Variants in CSF1R observed in about 807,000 individuals in gnomAD.
CSF1R encodes the protein macrophage colony-stimulating factor 1 receptor.
Under a neutral mutation model 110.0 loss-of-function variants are expected in CSF1R, and 40 were observed. The observed-to-expected ratio is 0.36, with a 90% CI of 0.28 to 0.47. The LOEUF is 0.47. Among genes scored for constraint, CSF1R ranks in the 20% least tolerant of loss-of-function variants. The pLI, the probability that CSF1R is intolerant of heterozygous loss-of-function variation, is 0.99. For missense variants in CSF1R, 1,052 were observed against 1,253.0 expected (o/e 0.84, Z 2.42); for synonymous variants, 523 against 503.4 (o/e 1.04, Z -0.52).
chr5:150,054,225 C>G lies in CSF1R; in HGVS notation c.2764-1G>C, dbSNP rs1757077046. 1 of 1,612,262 alleles carries G rather than the reference C, an allele frequency of 6.2e-7. No individual in the cohort carries two copies. The highest frequency in any genetic ancestry group is 8.5e-7 in the Non-Finnish European group (1 of 1,179,224). On this transcript the variant is annotated splice_acceptor_variant, in intron 20 of 20. Coordinates refer to ENST00000675795, the MANE Select transcript of CSF1R (RefSeq NM_001288705.3). LOFTEE classifies it high-confidence loss of function. ...TGCTGCTCGGCAGATTGGTATAGTC[C>G]TGAGGGTGGGAGGGACCAGAAACTG...
chr5:150,054,210 C>T lies in CSF1R; in HGVS notation c.2778G>A (p.Leu926=), dbSNP rs1757075635. The part of the protein sequence containing the change: ...EDRRERDYTN[L]PSSSRSGGSG... ...TGCCACCGCTTCTGCTGCTGCTCGG[C>T]AGATTGGTATAGTCCTGAGGGTGGG... Residue 926 remains leucine, a synonymous_variant, in exon 21 of 21, where the codon CTG becomes CTA. Coordinates refer to ENST00000675795, the MANE Select transcript of CSF1R (RefSeq NM_001288705.3). The T allele has an allele frequency of 6.2e-7, 1 of 1,612,024 alleles. No homozygotes were observed. The highest frequency in any genetic ancestry group is 1.7e-5 in the Admixed American group (1 of 59,772).
intron 10 of CSF1R, among the ~76,000 whole-genome samples, chr5:150,062,229 C>T (rs1022944372): frequency 8.6e-6 from 1 of 115,682 alleles, no homozygotes; most frequent in Non-Finnish European, 1.9e-5. Flanking sequence ...ATCCATCCAC[C>T]CACCCAACCT....
intron 1 of CSF1R, among the ~76,000 whole-genome samples, chr5:150,108,746 G>A (rs1759623002): frequency 6.6e-6 from 1 of 152,210 alleles, no homozygotes; most frequent in Non-Finnish European, 1.5e-5. Flanking sequence ...CTGTGGATCT[G>A]CAAAGGGGAG....
chr5:150,067,384 C>T (rs1227257643), intron 10 of CSF1R, among the ~76,000 whole-genome samples: 1 of 152,218 alleles, frequency 6.6e-6, no homozygotes, highest in African/African-American at 2.4e-5. Flanking sequence ...CTTTGACCAG[C>T]TGTAGACAAG....
At chr5:150,059,594 C>T in intron 14 of CSF1R, 106 bp downstream of exon 14, 1 of 1,375,946 alleles carries the variant, frequency 7.3e-7, no homozygotes, top group Non-Finnish European at 1.0e-6. Flanking sequence ...GTGAGGGCTG[C>T]ATAGCCACCC....
At chr5:150,066,606 CCT>C (rs1158572401) in intron 10 of CSF1R, among the ~76,000 whole-genome samples, 2 of 152,238 alleles carry the variant, frequency 1.3e-5, no homozygotes, top group African/African-American at 4.8e-5. Context: ...CCGGGGCTGC[CCT>C]CAGAGCAGCC....
At chr5:150,065,280 TCTTTGGGGACCC>T (rs1357588120) in intron 10 of CSF1R, among the ~76,000 whole-genome samples, 80 of 152,294 alleles carry the variant, frequency 5.3e-4, no homozygotes, top group African/African-American at 1.8e-3. Flanking sequence ...CCCAGTGGAA[TCTTTGGGGACCC>T]TCCTGTTGCT....
chr5:150,100,997 G>A (rs941276506), intron 1 of CSF1R, among the ~76,000 whole-genome samples: 28 of 151,610 alleles, frequency 1.8e-4, no homozygotes, highest in African/African-American at 6.8e-4. Flanking sequence ...AAAGGAGATC[G>A]CATGAATGGT....
intron 1 of CSF1R, among the ~76,000 whole-genome samples, chr5:150,102,042 G>A (rs1015368382): frequency 3.3e-5 from 5 of 152,012 alleles, no homozygotes; most frequent in African/African-American, 1.2e-4. Context: ...TCTAACAAAT[G>A]GACACTCTAG....
chr5:150,100,232 C>CCAGTGGGGAT (rs2113862026), intron 1 of CSF1R, among the ~76,000 whole-genome samples: 1 of 149,106 alleles, frequency 6.7e-6, no homozygotes, highest in East Asian at 2.0e-4. Flanking sequence ...GATGATAGAA[C>CCAGTGGGGAT]CAGTGGGGAT....
upstream of CSF1R, among the ~76,000 whole-genome samples, chr5:150,087,596 T>C (rs1758893021): frequency 1.3e-5 from 2 of 152,258 alleles, no homozygotes; most frequent in African/African-American, 4.8e-5. Flanking sequence ...AGAATCTAAT[T>C]GTTCTGCATA....
chr5:150,085,503 C>A (rs1013274965), intron 1 of CSF1R, among the ~76,000 whole-genome samples: 3 of 152,184 alleles, frequency 2.0e-5, no homozygotes, highest in South Asian at 4.2e-4. Context: ...GTTGGGCCAA[C>A]AAGCCAAGCA....
intron 1 of CSF1R, chr5:150,095,180 G>T: frequency 1.6e-6 from 1 of 626,506 alleles, no homozygotes; most frequent in South Asian, 2.1e-5. Flanking sequence ...GACCCGAAAG[G>T]AGAGATATAA....
intron 1 of CSF1R, among the ~76,000 whole-genome samples, chr5:150,091,852 C>CAAAA (rs57967086): frequency 2.8e-5 from 2 of 71,230 alleles, no homozygotes; most frequent in African/African-American, 5.9e-5. Flanking sequence ...CCCATACTAC[C>CAAAA]AAAAAAAAAA....
intron 1 of CSF1R, chr5:150,094,549 T>C: frequency 1.3e-5 from 21 of 1,596,850 alleles, no homozygotes; most frequent in Non-Finnish European, 1.7e-5. Flanking sequence ...AACTTCTATG[T>C]ACCTGCAGAA....
intron 19 of CSF1R, chr5:150,054,673 CTG>C (rs1168989109): frequency 2.1e-6 from 1 of 482,262 alleles, no homozygotes; most frequent in East Asian, 3.4e-5. Flanking sequence ...CTCAGGGTAA[CTG>C]TAATAACGAT....
At chr5:150,057,253 G>C in intron 16 of CSF1R, 34 bp downstream of exon 16, 1 of 1,590,580 alleles carries the variant, frequency 6.3e-7, no homozygotes, top group Non-Finnish European at 8.6e-7. Flanking sequence ...CACAGACCTG[G>C]GTGGCTATGA....
chr5:150,054,072 G>T lies in CSF1R; in HGVS notation c.2916C>A (p.Cys972Ter), dbSNP rs771254626. 3.7e-6 allele frequency: 6 copies of T among 1,614,010 alleles called. No homozygotes were observed. Among genetic ancestry groups the T allele is most frequent in the Non-Finnish European group, 5.1e-6 (6 of 1,180,016 alleles). The change falls in exon 21 of 21, where the codon TGC becomes TGA. Residue 972 changes from cysteine (C) to a stop codon, truncating the protein, a stop_gained. Coordinates refer to ENST00000675795, the MANE Select transcript of CSF1R (RefSeq NM_001288705.3). LOFTEE classifies it high-confidence loss of function. Reference sequence around the variant, plus strand: ...GGTACTCCCTGTCGTCAACTCCTCAGCAGAACTGATAGTTGTTGGGCTGCA... The same window carrying T: ...GGTACTCCCTGTCGTCAACTCCTCATCAGAACTGATAGTTGTTGGGCTGCA... The part of the protein sequence containing the change: ...PLLQPNNYQF[C>*]
In CSF1R at chr5:150,060,992, T is replaced by G; in HGVS notation, c.1859-20A>C. 1 of 1,548,996 alleles carries G rather than the reference T, an allele frequency of 6.5e-7. No individual in the cohort carries two copies. The highest frequency in any genetic ancestry group is 8.8e-7 in the Non-Finnish European group (1 of 1,134,772). ...CCGTGGCTGGGAGGAAGAACCACAGTCCCAAAGACAGGGAGAGGGCAGGAC... is the reference window on the plus strand; with the variant it reads ...CCGTGGCTGGGAGGAAGAACCACAGGCCCAAAGACAGGGAGAGGGCAGGAC... On this transcript the variant is annotated intron_variant, in intron 12 of 20. Transcript: ENST00000675795.
Sources: allele counts gnomAD v4.1 joint callset (sites outside exome capture counted in the v4.1 genomes callset), GRCh38; gene constraint gnomAD v4.1.1; transcripts MANE v1.5; gene names NCBI Gene and HGNC (gene_info 2026-07-23, HGNC 2026-07-21).